KIF1C: variants seen among roughly 807,000 people sequenced by gnomAD.
KIF1C encodes the protein kinesin-like protein KIF1C.
A neutral mutation model predicts 126.5 loss-of-function variants in KIF1C; 61 were observed. The observed-to-expected ratio is 0.48, with a 90% CI of 0.39 to 0.60. KIF1C has a LOEUF of 0.60. KIF1C is among the 20% of genes least tolerant of loss of function. KIF1C has a pLI of 0.00. For missense variants in KIF1C, 1,315 were observed against 1,489.2 expected (o/e 0.88, Z 1.93); for synonymous variants, 640 against 580.6 (o/e 1.10, Z -1.47).
intron 18 of KIF1C, chr17:5,019,077 C>G (rs1199591554): frequency 6.3e-6 from 1 of 158,920 alleles, no homozygotes; most frequent in African/African-American, 2.4e-5. Flanking sequence ...TCCCTCTGCT[C>G]CTAAGCTGAG....
rs1265970260 is a variant in KIF1C at position 4,998,039 on chromosome 17, C to T, written c.-266C>T. On this transcript the variant is annotated 5_prime_UTR_variant, in exon 1 of 23. Coordinates refer to ENST00000320785, the MANE Select transcript of KIF1C (RefSeq NM_006612.6). Reference sequence around the variant, plus strand: ...AGTCCGCCGCCCGCCGCCCGGGCACCCGGCGAGGGGCGGGGGCAGCTCCGA... The same window carrying T: ...AGTCCGCCGCCCGCCGCCCGGGCACTCGGCGAGGGGCGGGGGCAGCTCCGA... 3 of 149,984 alleles carry T rather than the reference C, an allele frequency of 2.0e-5. No homozygotes were observed. Among genetic ancestry groups the T allele is most frequent in the Non-Finnish European group, 4.5e-5 (3 of 67,252 alleles). The allele number at this position is 149,984 out of a possible 1,614,324, so 9.3% of individuals were successfully genotyped here. A position where few individuals can be genotyped will look rare whatever the true frequency, so the allele number is the denominator to read the frequency against.
In KIF1C at chr17:5,002,111, CCTA is replaced by C. The variant is rs773818444; in HGVS notation, c.419_421del (p.Tyr140del). On this transcript the variant is annotated inframe_deletion, in exon 6 of 23. Coordinates refer to ENST00000320785, the MANE Select transcript of KIF1C (RefSeq NM_006612.6). ...AGTGAGAACCAGAGTGCTCAGCTAT[CCTA>C]CTCTGTGGAGGTAAGCCCGGGTCTT... 11 of 1,614,086 alleles carry C rather than the reference CCTA, an allele frequency of 6.8e-6. No individual in the cohort carries two copies. The South Asian group carries it at 1.2e-4, about 18-fold the overall frequency.
rs141808417 is a variant in KIF1C at position 5,023,007 on chromosome 17, T to G, written c.2628+298T>G. On this transcript the variant is annotated intron_variant, in intron 22 of 22. Coordinates refer to ENST00000320785, the MANE Select transcript of KIF1C (RefSeq NM_006612.6). The surrounding 1 kb of genome is among the most constrained non-coding windows in gnomAD (Gnocchi z 4.2). Reference sequence around the variant, plus strand: ...CAGTGAAGTCTAAGACCCACTGATATAAAGTTTGCAGTTTTGTTTTGTTTC... The same window carrying G: ...CAGTGAAGTCTAAGACCCACTGATAGAAAGTTTGCAGTTTTGTTTTGTTTC... Among the ~76,000 whole-genome samples, 1 of 152,180 alleles carries G rather than the reference T, an allele frequency of 6.6e-6. No individual in the cohort carries two copies. The highest frequency in any genetic ancestry group is 2.1e-4 in the South Asian group (1 of 4,830).
intron 1 of KIF1C, among the ~76,000 whole-genome samples, chr17:4,998,747 T>G (rs1974470590): frequency 6.6e-6 from 1 of 151,796 alleles, no homozygotes; most frequent in African/African-American, 2.4e-5. Flanking sequence ...CCAGGAAGAC[T>G]GGTGAGGGGA....
In KIF1C at chr17:5,020,680, T is replaced by C; in HGVS notation, c.1937+2T>C. 6.2e-7 allele frequency: 1 copy of C among 1,612,794 alleles called. No homozygotes were observed. The highest frequency in any genetic ancestry group is 8.5e-7 in the Non-Finnish European group (1 of 1,179,172). Reference sequence around the variant, plus strand: ...CATAAAGCTGGAAATGGAGAAGAGGTGCGAGGGGGTTACCCACGTGCCCCA... The same window carrying C: ...CATAAAGCTGGAAATGGAGAAGAGGCGCGAGGGGGTTACCCACGTGCCCCA... On this transcript the variant is annotated splice_donor_variant, in intron 20 of 22. Transcript: ENST00000320785. LOFTEE classifies it high-confidence loss of function. The surrounding 1 kb of genome is among the most constrained non-coding windows in gnomAD (Gnocchi z 5.8).
chr17:5,003,835 C>G lies in KIF1C; in HGVS notation c.799-16C>G. On this transcript the variant is annotated splice_polypyrimidine_tract_variant and intron_variant, in intron 9 of 22. Transcript: ENST00000320785. ...GAGAAGAGGGTCTCATCCCCACATT[C>G]CTCATCCTTTTCCAGGAAGGAGCCA... The G allele has an allele frequency of 1.2e-6, 2 of 1,610,536 alleles. No individual in the cohort carries two copies. The highest frequency in any genetic ancestry group is 1.7e-6 in the Non-Finnish European group (2 of 1,176,762).
At chr17:5,018,335 T>C (rs986864404) in intron 18 of KIF1C, among the ~76,000 whole-genome samples, 3 of 143,472 alleles carry the variant, frequency 2.1e-5, no homozygotes, top group Admixed American at 6.9e-5. Flanking sequence ...ATTAATAGAA[T>C]TAAATGCCTT....
intron 13 of KIF1C, 118 bp from the exon 14 acceptor site, chr17:5,006,797 C>CA: frequency 9.6e-7 from 1 of 1,038,540 alleles, no homozygotes; most frequent in South Asian, 1.4e-5. Flanking sequence ...GGAGGCTGAC[C>CA]AGCAGTCTTC....
rs1167070270 is a variant in KIF1C, at chr17:5,025,996, T to G, written c.*1845T>G. On this transcript the variant is annotated 3_prime_UTR_variant, in exon 23 of 23. Transcript: ENST00000320785. Reference sequence around the variant, plus strand: ...TTTCATCCTGTTCTCAGGAAAACACTTTGACCCACTTGAAGCTCTGAGCTA... The same window carrying G: ...TTTCATCCTGTTCTCAGGAAAACACGTTGACCCACTTGAAGCTCTGAGCTA... 1.3e-5 allele frequency: 2 copies of G among 152,174 alleles called. No individual in the cohort carries two copies. Among genetic ancestry groups the G allele is most frequent in the African/African-American group, 4.8e-5 (2 of 41,446 alleles). The allele number at this position is 152,174 out of a possible 1,614,324, so 9.4% of individuals were successfully genotyped here.
rs1200224083 is a variant in KIF1C, at chr17:5,003,595, G to A, written c.721-17G>A. The A allele has an allele frequency of 4.4e-6, 7 of 1,599,620 alleles. No homozygotes were observed. Among genetic ancestry groups the A allele is most frequent in the African/African-American group, 1.3e-5 (1 of 74,470 alleles). On this transcript the variant is annotated splice_polypyrimidine_tract_variant and intron_variant, in intron 8 of 22. Transcript: ENST00000320785. ...CCCACCCGCACCTTATCTCCTGCCT[G>A]TTTCCTCTGACCCCAGGTCAGTAAG...
At chr17:5,006,220 G>A (rs1283014174) in intron 13 of KIF1C, among the ~76,000 whole-genome samples, 1 of 151,656 alleles carries the variant, frequency 6.6e-6, no homozygotes, top group Non-Finnish European at 1.5e-5. Context: ...AAAAAAGTTC[G>A]ACACAGAGGT....
chr17:5,004,156 G>A, intron 11 of KIF1C, 83 bp downstream of exon 11: 3 of 1,015,562 alleles, frequency 3.0e-6, no homozygotes, highest in Non-Finnish European at 4.7e-6. Flanking sequence ...CCCTTGCTAT[G>A]CCGAGAATCC....
At chr17:5,007,388 G>A (rs770449130) in intron 15 of KIF1C, 46 bp downstream of exon 15, 1 of 1,610,464 alleles carries the variant, frequency 6.2e-7, no homozygotes, top group Non-Finnish European at 8.5e-7. Flanking sequence ...TGGAGGCCAT[G>A]GGGGAGGTCA....
At chr17:4,998,309 G>A (rs1024959477) in intron 1 of KIF1C, among the ~76,000 whole-genome samples, 153 bp downstream of exon 1, 2 of 152,170 alleles carry the variant, frequency 1.3e-5, no homozygotes, top group East Asian at 3.9e-4. Flanking sequence ...TGCCAGGCCC[G>A]GGCGGCCGCC....
At chr17:5,009,527 A>G (rs1974813338) in intron 16 of KIF1C, among the ~76,000 whole-genome samples, 2 of 151,594 alleles carry the variant, frequency 1.3e-5, no homozygotes, top group African/African-American at 4.8e-5. Context: ...GGTGGCTCAC[A>G]CCTGTAATCC....
chr17:5,014,878 G>A (rs200548099), intron 18 of KIF1C, 41 bp downstream of exon 18: 95 of 1,488,370 alleles, frequency 6.4e-5, no homozygotes, highest in Non-Finnish European at 8.5e-5. Flanking sequence ...CAGGGAGAGA[G>A]GCCCCATGTT....
At chr17:5,015,048 AC>A (rs796917388) in intron 18 of KIF1C, among the ~76,000 whole-genome samples, 11 of 152,320 alleles carry the variant, frequency 7.2e-5, no homozygotes, top group African/African-American at 2.6e-4. Flanking sequence ...GAGAAGACAG[AC>A]TACTGTGTGG....
At chr17:5,013,597 C>T (rs1597855648) in intron 16 of KIF1C, 56 bp from the exon 17 acceptor site, 1 of 1,325,474 alleles carries the variant, frequency 7.5e-7, no homozygotes, top group African/African-American at 1.4e-5. Flanking sequence ...TCCCTTTCTT[C>T]CTTTCTATAG....
In KIF1C at chr17:5,026,067, T is replaced by C. The variant is rs1243843322; in HGVS notation, c.*1916T>C. The C allele has an allele frequency of 6.6e-6, 1 of 152,182 alleles. No homozygotes were observed. Among genetic ancestry groups the C allele is most frequent in the Non-Finnish European group, 1.5e-5 (1 of 68,026 alleles). 9.4% of individuals were successfully genotyped at this position (152,182 alleles called of 1,614,324 possible). ...GTCAGTCTCCAGCCAAAACCATAGATATCCCAACTGCAGCCAAACCACGGC... is the reference window on the plus strand; with the variant it reads ...GTCAGTCTCCAGCCAAAACCATAGACATCCCAACTGCAGCCAAACCACGGC... On this transcript the variant is annotated 3_prime_UTR_variant, in exon 23 of 23. Coordinates refer to ENST00000320785, the MANE Select transcript of KIF1C (RefSeq NM_006612.6).
Sources: allele counts gnomAD v4.1 joint callset (sites outside exome capture counted in the v4.1 genomes callset), GRCh38; gene constraint gnomAD v4.1.1; non-coding constraint Gnocchi (gnomAD v3.1); transcripts MANE v1.5; gene names NCBI Gene and HGNC (gene_info 2026-07-23, HGNC 2026-07-21).